TLR2: variants seen among roughly 807,000 people sequenced by gnomAD.
TLR2 encodes toll like receptor 2, also known as toll-like receptor 2.
TLR2 carries 7 observed loss-of-function variants against 9.1 expected under a neutral mutation model. The ratio of observed to expected loss-of-function variants is 0.77; its 90% CI spans 0.44 to 1.44. The LOEUF (loss-of-function observed/expected upper bound fraction) is 1.44. Among genes scored for constraint, TLR2 ranks in the 40% most tolerant of loss-of-function variants. The pLI, the probability that TLR2 is intolerant of heterozygous loss-of-function variation, is 0.01. For missense variants in TLR2, 812 were observed against 904.6 expected (o/e 0.90, Z 1.31); for synonymous variants, 317 against 344.6 (o/e 0.92, Z 0.89).
At chr4:153,684,605 A>T (rs1045645736) in intron 1 of TLR2, among the ~76,000 whole-genome samples, 1 of 152,212 alleles carries the variant, frequency 6.6e-6, no homozygotes, top group African/African-American at 2.4e-5. Flanking sequence ...AAGCCGGCTC[A>T]GGTCGGCCCT....
At chr4:153,696,607 A>G (rs1027647147) in intron 2 of TLR2, among the ~76,000 whole-genome samples, 3 of 152,232 alleles carry the variant, frequency 2.0e-5, no homozygotes, top group Non-Finnish European at 4.4e-5. Context: ...AGTTAGGTCC[A>G]TTACCAAATG....
At chr4:153,686,222 C>T (rs977533204) in intron 1 of TLR2, among the ~76,000 whole-genome samples, 10 of 152,184 alleles carry the variant, frequency 6.6e-5, no homozygotes, top group Non-Finnish European at 1.3e-4. Flanking sequence ...GAGCGAGACT[C>T]TGTCTCAAAA....
intron 2 of TLR2, among the ~76,000 whole-genome samples, chr4:153,699,116 T>A (rs1736707118): frequency 6.6e-6 from 1 of 152,170 alleles, no homozygotes; most frequent in African/African-American, 2.4e-5. Context: ...AGTGGAGCCT[T>A]AGATAAATAC....
Position 153,703,086 on chromosome 4 carries a change from C to A in TLR2, c.179C>A (p.Ser60Tyr), listed in dbSNP as rs750605420. 1.2e-6 allele frequency: 2 copies of A among 1,614,046 alleles called. No homozygotes were observed. Residue 60 changes from serine (S) to tyrosine (Y), a missense_variant, in exon 3 of 3, where the codon TCC (serine) becomes TAC (tyrosine). Transcript: ENST00000642700. ...GAAGCTGTAAAAAGCCTTGACCTGT[C>A]CAACAACAGGATCACCTACATTAGC... is the stretch of plus-strand genomic sequence containing the variant. ...LTEAVKSLDL[S>Y]NNRITYISNS...
rs2127012218 is a variant in TLR2 at position 153,688,057 on chromosome 4, T to A, written c.-17+10T>A. 6.6e-6 allele frequency: 1 copy of A among 152,348 alleles called. No homozygotes were observed. The highest frequency in any genetic ancestry group is 2.1e-4 in the South Asian group (1 of 4,832). The allele number at this position is 152,348 out of a possible 1,614,324, so 9.4% of individuals were successfully genotyped here. A position where few individuals can be genotyped will look rare whatever the true frequency, so the allele number is the denominator to read the frequency against. ...CAACTGGTAGTTGTGGGTAAGTTCC[T>A]GCTCAGACTTGAGCACTATACATTT... On this transcript the variant is annotated intron_variant, in intron 2 of 2. Transcript: ENST00000642700.
At chr4:153,691,098 C>T (rs907830225) in intron 2 of TLR2, among the ~76,000 whole-genome samples, 1 of 152,142 alleles carries the variant, frequency 6.6e-6, no homozygotes. Flanking sequence ...AAGTATAGGG[C>T]GTGTGAAAAA....
At position 153,702,951 on chromosome 4, in the gene TLR2, T is replaced by A. The variant is rs1275834618; in HGVS notation, c.44T>A (p.Ile15Asn). The A allele has an allele frequency of 5.6e-6, 9 of 1,613,634 alleles. No individual in the cohort carries two copies. The highest frequency in any genetic ancestry group is 6.8e-6 in the Non-Finnish European group (8 of 1,179,928). The change falls in exon 3 of 3, where the codon ATC (isoleucine) becomes AAC (asparagine). Residue 15 changes from isoleucine (I) to asparagine (N), a missense_variant. By Grantham distance (149) the Ile-to-Asn change is moderately radical. Coordinates refer to ENST00000642700, the MANE Select transcript of TLR2 (RefSeq NM_001318789.2). ...LWMVWVLGVI[I>N]SLSKEESSNQ... is the part of the protein sequence containing the mutation. ...ATGGTGTGGGTCTTGGGGGTCATCA[T>A]CAGCCTCTCCAAGGAAGAATCCTCC...
At chr4:153,693,943 G>C (rs1037541228) in intron 2 of TLR2, among the ~76,000 whole-genome samples, 1 of 152,184 alleles carries the variant, frequency 6.6e-6, no homozygotes, top group Non-Finnish European at 1.5e-5. Flanking sequence ...CGGTCGTGGA[G>C]ACCCTAACCC....
At chr4:153,695,179 G>C (rs1736403882) in intron 2 of TLR2, among the ~76,000 whole-genome samples, 1 of 152,142 alleles carries the variant, frequency 6.6e-6, no homozygotes, top group Non-Finnish European at 1.5e-5. Context: ...TTTATTTTGG[G>C]TATATACCTA....
chr4:153,698,784 G>T (rs1736682650), intron 2 of TLR2, among the ~76,000 whole-genome samples: 1 of 152,098 alleles, frequency 6.6e-6, no homozygotes, highest in Non-Finnish European at 1.5e-5. Flanking sequence ...GTAAATGCTG[G>T]ATATGTCATG....
chr4:153,701,739 G>A (rs1736905331), intron 2 of TLR2: 1 of 148,890 alleles, frequency 6.7e-6, no homozygotes, highest in African/African-American at 2.5e-5. Flanking sequence ...AGAAAATCCA[G>A]AATAAATATG....
downstream of TLR2, chr4:153,710,320 G>A (rs1359732339): frequency 2.1e-6 from 3 of 1,431,002 alleles, no homozygotes; most frequent in South Asian, 1.5e-5. Flanking sequence ...ATTAAATGTT[G>A]GACCAAGGAT....
intron 2 of TLR2, among the ~76,000 whole-genome samples, chr4:153,690,589 G>A (rs1209085816): frequency 1.3e-5 from 2 of 152,164 alleles, no homozygotes; most frequent in African/African-American, 2.4e-5. Context: ...TCTCCCAAAC[G>A]AGGGAACGTG....
downstream of TLR2, among the ~76,000 whole-genome samples, chr4:153,708,324 CA>C (rs1178518207): frequency 3.3e-5 from 5 of 152,010 alleles, no homozygotes; most frequent in Non-Finnish European, 2.9e-5. Context: ...TTTTGTTTAA[CA>C]GGAGAAAAAC....
intron 2 of TLR2, among the ~76,000 whole-genome samples, chr4:153,698,414 A>C (rs930901803): frequency 1.3e-5 from 2 of 152,154 alleles, no homozygotes; most frequent in African/African-American, 4.8e-5. Flanking sequence ...AGCATCATGC[A>C]CCTGAATTGG....
At chr4:153,685,602 T>C (rs1391332332) in intron 1 of TLR2, among the ~76,000 whole-genome samples, 1 of 152,246 alleles carries the variant, frequency 6.6e-6, no homozygotes, top group African/African-American at 2.4e-5. Context: ...TAAAGGTTCT[T>C]CCTGTTCTAA....
At chr4:153,691,076 C>G (rs1736081427) in intron 2 of TLR2, among the ~76,000 whole-genome samples, 2 of 152,206 alleles carry the variant, frequency 1.3e-5, no homozygotes, top group African/African-American at 4.8e-5. Context: ...TAAAGCTCCA[C>G]TTTTTGAGCT....
intron 2 of TLR2, among the ~76,000 whole-genome samples, chr4:153,701,325 C>T (rs529702555): frequency 4.6e-5 from 7 of 152,280 alleles, no homozygotes; most frequent in African/African-American, 1.7e-4. Flanking sequence ...CCCCCTTGCC[C>T]TCTTGCGTTC....
chr4:153,700,291 A>T (rs1392330610), intron 2 of TLR2, among the ~76,000 whole-genome samples: 1 of 152,222 alleles, frequency 6.6e-6, no homozygotes. Flanking sequence ...GAGGACAAAC[A>T]TCCAAATCAT....
Sources: gnomAD v4.1 joint callset for allele counts (sites outside exome capture counted in the v4.1 genomes callset) on GRCh38, gnomAD v4.1.1 for gene constraint, MANE v1.5 for transcripts, NCBI Gene and HGNC (gene_info 2026-07-23, HGNC 2026-07-21) for gene names.